The following THSD7A variants were observed in gnomAD, a reference collection of about 807,000 sequenced individuals.
THSD7A encodes thrombospondin type 1 domain containing 7A, also known as thrombospondin type-1 domain-containing protein 7A.
A neutral mutation model predicts 231.3 loss-of-function variants in THSD7A; 96 were observed. The ratio of observed to expected loss-of-function variants is 0.41; its 90% confidence interval spans 0.35 to 0.49. The LOEUF (loss-of-function observed/expected upper bound fraction) is 0.49. Ranked by LOEUF, THSD7A falls within the 20% of genes least tolerant of loss-of-function variation. THSD7A has a pLI of 0.05. For missense variants in THSD7A, 2,290 were observed against 2,070.2 expected, an observed-to-expected ratio of 1.11 and a Z score of -2.06; for synonymous variants, 940 against 743.3, an observed-to-expected ratio of 1.26 and a Z score of -4.30.
chr7:11,626,976 C>A (rs1418120212), intron 2 of THSD7A, among the ~76,000 whole-genome samples: 1 of 152,018 alleles, frequency 6.6e-6, no homozygotes, highest in South Asian at 2.1e-4. Context: ...TAGAAGGTTC[C>A]ATTTTCTCAT....
chr7:11,598,831 T>C (rs1780455139), intron 2 of THSD7A, among the ~76,000 whole-genome samples: 1 of 152,170 alleles, frequency 6.6e-6, no homozygotes, highest in Non-Finnish European at 1.5e-5. Flanking sequence ...TCTGTTGACC[T>C]AGAGGTCTTA....
chr7:11,599,620 G>A (rs1265906558), intron 2 of THSD7A, among the ~76,000 whole-genome samples: 1 of 152,114 alleles, frequency 6.6e-6, no homozygotes, highest in African/African-American at 2.4e-5. Context: ...CTGGTTGTAC[G>A]AAGGATAGTT....
chr7:11,524,191 G>A (rs1788381702), intron 6 of THSD7A, among the ~76,000 whole-genome samples: 1 of 152,174 alleles, frequency 6.6e-6, no homozygotes, highest in South Asian at 2.1e-4. Flanking sequence ...CTCTGTGGTG[G>A]TACTCAGAAT....
At chr7:11,700,903 A>T (rs757502911) in intron 1 of THSD7A, among the ~76,000 whole-genome samples, 6 of 151,290 alleles carry the variant, frequency 4.0e-5, no homozygotes, top group Non-Finnish European at 8.9e-5. Flanking sequence ...ATTTAAATGT[A>T]TATCTTTGAA....
At chr7:11,754,617 C>T (rs1782615953) in intron 1 of THSD7A, among the ~76,000 whole-genome samples, 4 of 151,932 alleles carry the variant, frequency 2.6e-5, no homozygotes, top group Admixed American at 2.6e-4. Context: ...TTATTCCTGC[C>T]TCACAGTTTT....
At chr7:11,475,429 G>A (rs954401874) in intron 7 of THSD7A, among the ~76,000 whole-genome samples, 6 of 151,918 alleles carry the variant, frequency 3.9e-5, no homozygotes, top group African/African-American at 1.5e-4. Flanking sequence ...ACTGTCCACC[G>A]TGAAGCCTGC....
intron 13 of THSD7A, among the ~76,000 whole-genome samples, chr7:11,431,666 G>C (rs1047389516): frequency 1.3e-5 from 2 of 152,018 alleles, no homozygotes; most frequent in African/African-American, 4.8e-5. Flanking sequence ...AGATAGGTTT[G>C]GCTATTTTGA....
At position 11,412,677 on chromosome 7, in the gene THSD7A, G is replaced by T. The variant is rs765323010; in HGVS notation, c.3661C>A (p.His1221Asn). The T allele has an allele frequency of 5.6e-6, 9 of 1,613,688 alleles. No individual in the cohort carries two copies. In the African/African-American group the frequency reaches 8.0e-5, roughly 14 times the overall value. The change falls in exon 18 of 28, where the codon CAC (histidine) becomes AAC (asparagine). Residue 1221 changes from histidine to asparagine, a missense_variant. Physicochemically the swap from His to Asn is moderately conservative, Grantham distance 68. Transcript: ENST00000423059. ...EPCNLNKNCY[H>N]YDYNVTDWST... is the part of the protein sequence containing the mutation. The stretch of plus-strand genomic sequence containing the variant: ...GTACCTGTTACATTATAATCATAGT[G>T]GTAGCAGTTTTTGTTCAGGTTACAG...
Position 11,637,795 on chromosome 7 carries a change from G to C in THSD7A, c.191-834C>G, listed in dbSNP as rs1445462693. The stretch of plus-strand genomic sequence containing the variant: ...ATATGAAATATGGGTTTTTTTCTGT[G>C]AAATCCTTCTTAGAATAAACTTTAT... On this transcript the variant is annotated intron_variant, in intron 1 of 27. Coordinates refer to ENST00000423059, the MANE Select transcript of THSD7A (RefSeq NM_015204.3). The surrounding 1 kb of genome is among the most constrained non-coding windows in gnomAD (Gnocchi z 4.2). Among the ~76,000 whole-genome samples, 2 of 151,896 alleles carry C rather than the reference G, an allele frequency of 1.3e-5. No individual in the cohort carries two copies. The highest frequency in any genetic ancestry group is 2.9e-5 in the Non-Finnish European group (2 of 67,984).
chr7:11,438,349 T>A lies in THSD7A; in HGVS notation c.3064+7712A>T, dbSNP rs112088381. Among the ~76,000 whole-genome samples the A allele has an allele frequency of 3.0e-3, 461 of 152,158 alleles. 2 individuals are homozygous for A. Among genetic ancestry groups the A allele is most frequent in the Middle Eastern group, 0.01 (3 of 294 alleles). ...AAAGGTTTTTCCTCATTTGTAATAT[T>A]TGTAGAGCCTTCTTTTTATTTTAAT... On this transcript the variant is annotated intron_variant, in intron 13 of 27. Coordinates refer to ENST00000423059, the MANE Select transcript of THSD7A (RefSeq NM_015204.3).
At chr7:11,434,063 T>C (rs1784557716) in intron 13 of THSD7A, among the ~76,000 whole-genome samples, 1 of 152,062 alleles carries the variant, frequency 6.6e-6, no homozygotes, top group Non-Finnish European at 1.5e-5. Flanking sequence ...TTAAAATCCT[T>C]AATGCTACTA....
At chr7:11,705,086 A>G (rs1024358099) in intron 1 of THSD7A, among the ~76,000 whole-genome samples, 12 of 151,180 alleles carry the variant, frequency 7.9e-5, no homozygotes, top group Admixed American at 2.0e-4. Flanking sequence ...TTATATAGAG[A>G]GAGGAAGAAT....
At chr7:11,811,137 G>A (rs1283901409) in intron 1 of THSD7A, among the ~76,000 whole-genome samples, 1 of 152,126 alleles carries the variant, frequency 6.6e-6, no homozygotes, top group East Asian at 1.9e-4. Flanking sequence ...AAAACTTGGT[G>A]ATTTGTGTGT....
chr7:11,811,215 A>G (rs974436986), intron 1 of THSD7A, among the ~76,000 whole-genome samples: 22 of 152,148 alleles, frequency 1.4e-4, no homozygotes, highest in Non-Finnish European at 1.5e-5. Context: ...ATTAACCGAC[A>G]GAATTATCAA....
intron 1 of THSD7A, among the ~76,000 whole-genome samples, chr7:11,766,793 T>C (rs1783043289): frequency 6.6e-6 from 1 of 152,086 alleles, no homozygotes; most frequent in Non-Finnish European, 1.5e-5. Flanking sequence ...GAGAAACAGT[T>C]TAGCCAATGC....
rs1178316776 is a variant in THSD7A, at chr7:11,406,435, A to G, written c.4102T>C (p.Ser1368Pro). 1 of 1,613,758 alleles carries G rather than the reference A, an allele frequency of 6.2e-7. No homozygotes were observed. The highest frequency in any genetic ancestry group is 8.5e-7 in the Non-Finnish European group (1 of 1,179,850). The change falls in exon 22 of 28, where the codon TCT (serine) becomes CCT (proline). Residue 1368 changes from serine to proline, a missense_variant. Coordinates refer to ENST00000423059, the MANE Select transcript of THSD7A (RefSeq NM_015204.3). The surrounding 1 kb of genome is among the most constrained non-coding windows in gnomAD (Gnocchi z 4.7). ...CGEGTRTRNI[S>P]CVVSDGSADD... ...GCTGACCCATCACTTACTACACAAG[A>G]AATGTTCCTTGTTCTGGTCCCTTCT... is the stretch of plus-strand genomic sequence containing the variant.
At chr7:11,753,262 T>A (rs1023946865) in intron 1 of THSD7A, among the ~76,000 whole-genome samples, 3 of 152,116 alleles carry the variant, frequency 2.0e-5, no homozygotes, top group Admixed American at 2.0e-4. Flanking sequence ...ATCTTTAAAA[T>A]TAATTTGCAT....
chr7:11,715,768 G>A (rs902225403), intron 1 of THSD7A, among the ~76,000 whole-genome samples: 2 of 151,394 alleles, frequency 1.3e-5, no homozygotes, highest in African/African-American at 4.8e-5. Flanking sequence ...AAAACCACAA[G>A]GGTCTATTTT....
intron 1 of THSD7A, among the ~76,000 whole-genome samples, chr7:11,716,881 C>CA (rs930317250): frequency 1.3e-5 from 2 of 151,496 alleles, no homozygotes; most frequent in African/African-American, 2.4e-5. Flanking sequence ...AAGACAATTA[C>CA]AAAAACACAG....
Sources: allele counts gnomAD v4.1 joint callset (sites outside exome capture counted in the v4.1 genomes callset), GRCh38; gene constraint gnomAD v4.1.1; non-coding constraint Gnocchi (gnomAD v3.1); transcripts MANE v1.5; gene names NCBI Gene and HGNC (gene_info 2026-07-23, HGNC 2026-07-21).